The following FSTL4 variants were observed in gnomAD, a reference collection of about 807,000 sequenced individuals.
FSTL4 encodes follistatin like 4.
In FSTL4, 28 loss-of-function variants were observed where a neutral mutation model predicts 78.2. That is an observed-to-expected ratio of 0.36 (90% CI 0.27 to 0.49). FSTL4 has a LOEUF of 0.49. Ranked by LOEUF, FSTL4 falls within the 20% of genes least tolerant of loss-of-function variation. The pLI is 0.98. For missense variants in FSTL4, 922 were observed against 1,084.9 expected, an observed-to-expected ratio of 0.85 and a Z score of 2.11; for synonymous variants, 422 against 440.5, an observed-to-expected ratio of 0.96 and a Z score of 0.53.
intron 3 of FSTL4, among the ~76,000 whole-genome samples, chr5:133,446,678 C>T (rs972471671): frequency 6.6e-6 from 1 of 152,208 alleles, no homozygotes; most frequent in African/African-American, 2.4e-5. Context: ...TTCAGGCAGC[C>T]GTATTCCCAC....
rs193288057 is a variant in FSTL4 at position 133,440,262 on chromosome 5, C to T, written c.161-39276G>A. 1.3e-5 allele frequency among the ~76,000 whole-genome samples: 2 copies of T among 152,184 alleles called. No homozygotes were observed. The highest frequency in any genetic ancestry group is 2.9e-5 in the Non-Finnish European group (2 of 68,016). On this transcript the variant is annotated intron_variant, in intron 3 of 15. Transcript: ENST00000265342. This position sits in a 1 kb window ranked among gnomAD's most constrained non-coding sequence, Gnocchi z 4.1. ...CGCTGACAAGGTGTCTTGACAGGAA[C>T]AAGACACATCATTTGGGTGGCTGTG...
At chr5:133,377,712 G>C (rs908440070) in intron 4 of FSTL4, among the ~76,000 whole-genome samples, 1 of 151,824 alleles carries the variant, frequency 6.6e-6, no homozygotes, top group South Asian at 2.1e-4. Context: ...AAAAAGAAAA[G>C]AGAAAGGAAC....
intron 4 of FSTL4, among the ~76,000 whole-genome samples, chr5:133,332,690 C>G (rs962436721): frequency 3.3e-5 from 5 of 152,162 alleles, no homozygotes; most frequent in African/African-American, 1.2e-4. Context: ...AAGAACTTTC[C>G]AGGCAGAAGG....
chr5:133,545,366 C>T (rs1410303027), intron 3 of FSTL4, among the ~76,000 whole-genome samples: 1 of 152,166 alleles, frequency 6.6e-6, no homozygotes, highest in Non-Finnish European at 1.5e-5. Flanking sequence ...CTTGCTCTCA[C>T]AGGACTGAAT....
the FSTL4 span, among the ~76,000 whole-genome samples, chr5:133,625,407 G>A: frequency 6.6e-6 from 1 of 151,388 alleles, no homozygotes; most frequent in African/African-American, 2.4e-5. Flanking sequence ...TGTATAGAGT[G>A]GTTAATACTA....
At chr5:133,560,293 C>T (rs1759884828) in intron 3 of FSTL4, among the ~76,000 whole-genome samples, 1 of 152,216 alleles carries the variant, frequency 6.6e-6, no homozygotes, top group Admixed American at 6.5e-5. Flanking sequence ...TGAGCTCAGC[C>T]AGAGGATGGG....
chr5:133,723,877 T>G, the FSTL4 span, among the ~76,000 whole-genome samples: 1 of 152,160 alleles, frequency 6.6e-6, no homozygotes, highest in African/African-American at 2.4e-5. Flanking sequence ...CACCAGCAAC[T>G]GGGCTGGGGA....
chr5:133,710,137 C>G, the FSTL4 span, among the ~76,000 whole-genome samples: 3 of 152,134 alleles, frequency 2.0e-5, no homozygotes, highest in African/African-American at 7.2e-5. Flanking sequence ...CTTCTCTCTG[C>G]CCTGGACATG....
At chr5:133,642,146 G>A in the FSTL4 span, among the ~76,000 whole-genome samples, 3 of 152,170 alleles carry the variant, frequency 2.0e-5, no homozygotes, top group Non-Finnish European at 2.9e-5. Flanking sequence ...AAAGGGAAGT[G>A]AGGAAATGGG....
chr5:133,269,421 G>A (rs1752718966), intron 6 of FSTL4, among the ~76,000 whole-genome samples: 1 of 152,166 alleles, frequency 6.6e-6, no homozygotes, highest in Non-Finnish European at 1.5e-5. Context: ...GTGGGATTTG[G>A]GAGGGGTTAT....
At chr5:133,468,165 T>C (rs1012124333) in intron 3 of FSTL4, among the ~76,000 whole-genome samples, 1 of 151,850 alleles carries the variant, frequency 6.6e-6, no homozygotes, top group Non-Finnish European at 1.5e-5. Flanking sequence ...CTTCCCACCA[T>C]GGGGAAGGCT....
At chr5:133,207,221 GCTC>G (rs1750545775) in intron 14 of FSTL4, among the ~76,000 whole-genome samples, 1 of 152,044 alleles carries the variant, frequency 6.6e-6, no homozygotes, top group Admixed American at 6.6e-5. Context: ...TTTAAATCAA[GCTC>G]TTCTATGTTA....
At chr5:133,725,282 C>T in the FSTL4 span, among the ~76,000 whole-genome samples, 26 of 152,252 alleles carry the variant, frequency 1.7e-4, 1 homozygote, top group Admixed American at 1.1e-3. Flanking sequence ...ACTGTGTTGA[C>T]TGTAGCAGAA....
In FSTL4 at chr5:133,221,912, T is replaced by TTTTTTTTTG. The variant is rs1561626826; in HGVS notation, c.1340-1047_1340-1046insCAAAAAAAA. Reference sequence around the variant, plus strand: ...TCTAGTTTTTTTTTTTTTTTTTTTTTTTTTTTTTTTTTTTTAGCATGCTGA... The same window carrying TTTTTTTTTG: ...TCTAGTTTTTTTTTTTTTTTTTTTTTTTTTTTTTGTTTTTTTTTTTTTTTAGCATGCTGA... On this transcript the variant is annotated intron_variant, in intron 11 of 15. Transcript: ENST00000265342. Among the ~76,000 whole-genome samples the TTTTTTTTTG allele has an allele frequency of 1.2e-3, 141 of 113,974 alleles. 1 individual carries two copies. Among genetic ancestry groups the TTTTTTTTTG allele is most frequent in the Middle Eastern group, 4.1e-3 (1 of 242 alleles). 74.8% of individuals were successfully genotyped at this position (113,974 alleles called of 152,430 possible).
intron 3 of FSTL4, among the ~76,000 whole-genome samples, chr5:133,534,966 G>A (rs774931816): frequency 1.3e-5 from 2 of 152,150 alleles, no homozygotes; most frequent in African/African-American, 2.4e-5. Context: ...CCTAAAATTC[G>A]TATGTTGAAA....
chr5:133,452,586 C>T (rs531984400), intron 3 of FSTL4, among the ~76,000 whole-genome samples: 84 of 152,326 alleles, frequency 5.5e-4, no homozygotes, highest in African/African-American at 1.9e-3. Context: ...TCATTTAATC[C>T]TCACAACTTC....
At chr5:133,540,874 T>C (rs779854860) in intron 3 of FSTL4, among the ~76,000 whole-genome samples, 3 of 152,130 alleles carry the variant, frequency 2.0e-5, no homozygotes, top group Non-Finnish European at 4.4e-5. Context: ...ACAATATTAT[T>C]AAACCACCCA....
At chr5:133,523,425 A>G (rs1317846574) in intron 3 of FSTL4, among the ~76,000 whole-genome samples, 1 of 152,078 alleles carries the variant, frequency 6.6e-6, no homozygotes, top group African/African-American at 2.4e-5. Context: ...AGAGTGGGAG[A>G]GAAAGGGAAA....
intron 6 of FSTL4, among the ~76,000 whole-genome samples, chr5:133,292,283 G>A (rs1480523187): frequency 6.6e-6 from 1 of 152,194 alleles, no homozygotes; most frequent in African/African-American, 2.4e-5. Context: ...GGCTGCACTA[G>A]CCTCTGGGTT....
Sources: gnomAD v4.1 joint callset for allele counts (sites outside exome capture counted in the v4.1 genomes callset) on GRCh38, gnomAD v4.1.1 for gene constraint, Gnocchi (gnomAD v3.1) non-coding constraint, MANE v1.5 for transcripts, NCBI Gene and HGNC (gene_info 2026-07-23, HGNC 2026-07-21) for gene names.